DYM: variants seen among roughly 807,000 people sequenced by gnomAD.
The protein encoded by DYM is dyggve-Melchior-Clausen syndrome protein.
A neutral mutation model predicts 93.1 loss-of-function variants in DYM; 78 were observed. The ratio of observed to expected loss-of-function variants is 0.84; its 90% CI spans 0.70 to 1.01. The LOEUF is 1.01. Among genes scored for constraint, DYM ranks in the 50% least tolerant of loss-of-function variants. DYM has a pLI of 0.00. For synonymous variants in DYM, 321 were observed against 319.7 expected (o/e 1.00, Z -0.04); for missense variants, 789 against 845.0 (o/e 0.93, Z 0.82).
chr18:49,259,885 T>C (rs2094462995), intron 11 of DYM, among the ~76,000 whole-genome samples: 1 of 152,066 alleles, frequency 6.6e-6, no homozygotes, highest in Non-Finnish European at 1.5e-5. Context: ...GTGTTCATAA[T>C]AAAAACTTTA....
chr18:49,459,566 C>T (rs575085547), intron 1 of DYM, among the ~76,000 whole-genome samples: 1 of 151,138 alleles, frequency 6.6e-6, no homozygotes, highest in South Asian at 2.1e-4. Flanking sequence ...CATCCTTCAG[C>T]ACATCACCCT....
intron 10 of DYM, among the ~76,000 whole-genome samples, chr18:49,276,016 T>C (rs922480061): frequency 6.6e-6 from 1 of 152,186 alleles, no homozygotes; most frequent in Non-Finnish European, 1.5e-5. Context: ...CATCTGCAAA[T>C]ACAGATAATT....
At position 49,359,195 on chromosome 18, in the gene DYM, G is replaced by A. The variant is rs956193218; in HGVS notation, c.494+3966C>T. Among the ~76,000 whole-genome samples the A allele has an allele frequency of 1.6e-4, 24 of 152,286 alleles. No individual in the cohort carries two copies. In the East Asian group the frequency reaches 3.5e-3, roughly 22 times the overall value. ...ATTACTTTCCTGTTTACTTCACTGA[G>A]ACACAGGGAAGGTATAAAAATCAAA... is the stretch of plus-strand genomic sequence containing the variant. On this transcript the variant is annotated intron_variant, in intron 6 of 17. Transcript: ENST00000675505.
intron 16 of DYM, among the ~76,000 whole-genome samples, chr18:49,112,680 G>A (rs1390268667): frequency 1.3e-5 from 2 of 152,094 alleles, no homozygotes; most frequent in African/African-American, 2.4e-5. Flanking sequence ...TAAATTTACT[G>A]AGGTACAATT....
At chr18:49,076,578 G>C (rs955741433) in intron 17 of DYM, among the ~76,000 whole-genome samples, 3 of 152,156 alleles carry the variant, frequency 2.0e-5, no homozygotes, top group African/African-American at 7.2e-5. Flanking sequence ...CCTGGGAAGA[G>C]GTGAATTGTA....
intron 17 of DYM, among the ~76,000 whole-genome samples, chr18:49,052,087 T>C (rs1205946106): frequency 6.6e-6 from 1 of 152,246 alleles, no homozygotes; most frequent in African/African-American, 2.4e-5. Context: ...TTATGCATGT[T>C]CTCCAGGACT....
At chr18:49,319,460 T>C (rs1405607943) in intron 8 of DYM, among the ~76,000 whole-genome samples, 2 of 152,088 alleles carry the variant, frequency 1.3e-5, no homozygotes, top group South Asian at 2.1e-4. Context: ...TAAAGGACCA[T>C]GAAACAAGAA....
At chr18:49,126,630 G>A (rs1306491177) in intron 15 of DYM, among the ~76,000 whole-genome samples, 1 of 147,356 alleles carries the variant, frequency 6.8e-6, no homozygotes, top group South Asian at 2.2e-4. Context: ...TTGGGTGTCA[G>A]AATTTCAAAT....
chr18:49,252,240 A>AAAAAAAAAAAAAAAAAAAC (rs2094306402), intron 13 of DYM, among the ~76,000 whole-genome samples: 1 of 148,480 alleles, frequency 6.7e-6, no homozygotes, highest in Non-Finnish European at 1.5e-5. Flanking sequence ...AAAAAAAAAA[A>AAAAAAAAAAAAAAAAAAAC]AAGAACTGCC....
rs1012057225 is a variant in DYM, at chr18:49,172,285, T to C, written c.1626-8498A>G. ...TTCTTTATTTATCAGTGTTGGTCTA[T>C]TAAGAAGGCTGCTGTAAACAGTTGT... is the stretch of plus-strand genomic sequence containing the variant. On this transcript the variant is annotated intron_variant, in intron 14 of 17. Transcript: ENST00000675505. 3.3e-5 allele frequency among the ~76,000 whole-genome samples: 5 copies of C among 152,236 alleles called. No homozygotes were observed. The South Asian group carries it at 6.2e-4, about 19-fold the overall frequency.
At chr18:49,071,259 A>G (rs1337684625) in intron 17 of DYM, among the ~76,000 whole-genome samples, 1 of 152,238 alleles carries the variant, frequency 6.6e-6, no homozygotes, top group Admixed American at 6.5e-5. Flanking sequence ...TTCATTAGTG[A>G]AATCCCTCTG....
chr18:49,096,389 C>T (rs1170726250), intron 17 of DYM, among the ~76,000 whole-genome samples: 2 of 152,156 alleles, frequency 1.3e-5, no homozygotes, highest in Non-Finnish European at 2.9e-5. Flanking sequence ...AACAATATCT[C>T]TCAAGCATTC....
chr18:49,331,458 G>C (rs944226590), intron 8 of DYM, among the ~76,000 whole-genome samples: 7 of 152,174 alleles, frequency 4.6e-5, no homozygotes, highest in African/African-American at 9.7e-5. Flanking sequence ...TAGTGTAATA[G>C]GAAAACTGCA....
intron 6 of DYM, among the ~76,000 whole-genome samples, chr18:49,349,838 T>A (rs2064952793): frequency 6.6e-6 from 1 of 152,096 alleles, no homozygotes; most frequent in Non-Finnish European, 1.5e-5. Flanking sequence ...ACACCTGTAG[T>A]CCCAGCTACT....
At chr18:49,207,651 T>C (rs765806867) in intron 14 of DYM, among the ~76,000 whole-genome samples, 4 of 152,186 alleles carry the variant, frequency 2.6e-5, no homozygotes, top group African/African-American at 4.8e-5. Flanking sequence ...GACCACAGCA[T>C]AAAAATCCTG....
chr18:49,353,743 A>G (rs2065315687), intron 6 of DYM, among the ~76,000 whole-genome samples: 1 of 152,040 alleles, frequency 6.6e-6, no homozygotes, highest in African/African-American at 2.4e-5. Context: ...AAGCTGTATG[A>G]GCAAAACCAT....
intron 3 of DYM, among the ~76,000 whole-genome samples, chr18:49,386,473 C>T (rs913875278): frequency 6.6e-6 from 1 of 152,156 alleles, no homozygotes; most frequent in Non-Finnish European, 1.5e-5. Context: ...CACTTCACCT[C>T]CATGGTCTTC....
At chr18:49,446,290 T>C (rs1035888307) in intron 1 of DYM, among the ~76,000 whole-genome samples, 2 of 152,058 alleles carry the variant, frequency 1.3e-5, no homozygotes, top group Non-Finnish European at 2.9e-5. Flanking sequence ...GAGACAGAGT[T>C]CTTAAAAGTA....
intron 13 of DYM, among the ~76,000 whole-genome samples, chr18:49,239,625 A>G (rs2093965139): frequency 6.6e-6 from 1 of 152,240 alleles, no homozygotes; most frequent in Non-Finnish European, 1.5e-5. Context: ...TGAGGAGGCC[A>G]AGCTTCATAG....
Sources: allele counts gnomAD v4.1 joint callset (sites outside exome capture counted in the v4.1 genomes callset), GRCh38; gene constraint gnomAD v4.1.1; transcripts MANE v1.5; gene names NCBI Gene and HGNC (gene_info 2026-07-23, HGNC 2026-07-21).